AACS: variants seen among roughly 807,000 people sequenced by gnomAD.
AACS encodes the protein acetoacetate-CoA ligase.
Under a neutral mutation model 83.1 loss-of-function variants are expected in AACS, and 69 were observed. The observed-to-expected ratio is 0.83, with a 90% CI of 0.68 to 1.01. The LOEUF (loss-of-function observed/expected upper bound fraction) is 1.01. AACS is among the 50% of genes least tolerant of loss of function. AACS has a pLI of 0.00. For synonymous variants in AACS, 333 were observed against 343.4 expected (o/e 0.97, Z 0.33); for missense variants, 866 against 882.2 (o/e 0.98, Z 0.23).
chr12:125,121,287 G>A (rs1283426815), intron 10 of AACS: 1 of 152,500 alleles, frequency 6.6e-6, no homozygotes, highest in Middle Eastern at 3.1e-3. Context: ...GAGGGAGCGG[G>A]TGCTGGGCGG....
chr12:125,091,403 TTC>T, intron 4 of AACS, 21 bp from the exon 5 acceptor site: 2 of 1,613,246 alleles, frequency 1.2e-6, no homozygotes, highest in Non-Finnish European at 1.7e-6. Flanking sequence ...AACCCAAGGC[TTC>T]TTCCTATGTT....
Position 125,113,306 on chromosome 12 carries a change from C to T in AACS, c.916-1171C>T, listed in dbSNP as rs78636843. On this transcript the variant is annotated intron_variant, in intron 8 of 17. Transcript: ENST00000316519. The surrounding 1 kb of genome is among the most constrained non-coding windows in gnomAD (Gnocchi z 4.8). ...CCTTGCTTCAGCCTTCTAGGCCCTC[C>T]ACAACCAGGAGCACCTTTGTGATGA... Among the ~76,000 whole-genome samples, 4,741 of 152,352 alleles carry T rather than the reference C, an allele frequency of 0.031. 121 individuals are homozygous for T. The highest frequency in any genetic ancestry group is 0.049 in the Admixed American group (749 of 15,308).
intron 3 of AACS, among the ~76,000 whole-genome samples, chr12:125,083,449 C>T (rs1215237648): frequency 6.6e-6 from 1 of 152,156 alleles, no homozygotes; most frequent in Non-Finnish European, 1.5e-5. Flanking sequence ...TGGAGGCCGG[C>T]TACACACTGT....
chr12:125,111,716 G>A (rs879489138), intron 8 of AACS, among the ~76,000 whole-genome samples: 1 of 152,186 alleles, frequency 6.6e-6, no homozygotes, highest in Admixed American at 6.5e-5. Flanking sequence ...TCTGTGAAAG[G>A]TGTCAGAAAG....
intron 2 of AACS, among the ~76,000 whole-genome samples, chr12:125,076,183 C>A (rs545629884): frequency 2.6e-5 from 4 of 152,166 alleles, no homozygotes; most frequent in Non-Finnish European, 4.4e-5. Context: ...CAGAGCCTGA[C>A]GTGTTGGGTG....
chr12:125,065,859 T>G (rs1594556900), intron 1 of AACS, 142 bp downstream of exon 1: 1 of 1,257,094 alleles, frequency 8.0e-7, no homozygotes, highest in Non-Finnish European at 1.0e-6. Flanking sequence ...GACTGCGGGG[T>G]TCCCCCCAGT....
chr12:125,121,334 GA>G (rs1957149970), intron 10 of AACS: 1 of 152,364 alleles, frequency 6.6e-6, no homozygotes, highest in Admixed American at 6.5e-5. Context: ...CCACCTCCTG[GA>G]AACTGAATGT....
chr12:125,071,852 A>T (rs1433884793), intron 1 of AACS, among the ~76,000 whole-genome samples: 2 of 151,170 alleles, frequency 1.3e-5, no homozygotes, highest in African/African-American at 4.9e-5. Flanking sequence ...CACTTTTGTG[A>T]TACTTTTTTT....
In AACS at chr12:125,124,249, T is replaced by G. The variant is rs78967186; in HGVS notation, c.1122-456T>G. On this transcript the variant is annotated intron_variant, in intron 10 of 17. Coordinates refer to ENST00000316519, the MANE Select transcript of AACS (RefSeq NM_023928.5). ...GTTGGAGACTGCAGTGAGCTGTGATTGCACGACTGCATTCCAGCTTGGGGC... is the reference window on the plus strand; with the variant it reads ...GTTGGAGACTGCAGTGAGCTGTGATGGCACGACTGCATTCCAGCTTGGGGC... The G allele has an allele frequency of 1.7e-3, 278 of 161,442 alleles. 3 individuals are homozygous for G. The East Asian group carries it at 0.045, about 26-fold the overall frequency. 10.0% of individuals were successfully genotyped at this position (161,442 alleles called of 1,614,324 possible). A position where few individuals can be genotyped will look rare whatever the true frequency, so the allele number is the denominator to read the frequency against.
At chr12:125,095,308 A>G (rs79788692) in intron 5 of AACS, among the ~76,000 whole-genome samples, 284 of 152,252 alleles carry the variant, frequency 1.9e-3, no homozygotes, top group African/African-American at 6.7e-3. Context: ...GAGTCTTTTC[A>G]TGGGGCTAGG....
chr12:125,107,818 CTG>C (rs1956867038), intron 8 of AACS, among the ~76,000 whole-genome samples: 1 of 152,094 alleles, frequency 6.6e-6, no homozygotes, highest in Non-Finnish European at 1.5e-5. Flanking sequence ...CAAAAATTAA[CTG>C]GACGTGGTGG....
chr12:125,110,942 A>G (rs1956941757), intron 8 of AACS, among the ~76,000 whole-genome samples: 1 of 152,138 alleles, frequency 6.6e-6, no homozygotes, highest in South Asian at 2.1e-4. Flanking sequence ...ACCTAGATCT[A>G]GATTCACTGA....
rs770506849 is a variant in AACS, at chr12:125,129,380, C to T, written c.1469C>T (p.Pro490Leu). Reference sequence around the variant, plus strand: ...AGCGGCGAGCTGGTGTGTACTAAGCCGATCCCTTGCCAGCCCACACACTTC... The same window carrying T: ...AGCGGCGAGCTGGTGTGTACTAAGCTGATCCCTTGCCAGCCCACACACTTC... ...GESGELVCTK[P>L]IPCQPTHFWN... Residue 490 changes from proline to leucine, a missense_variant, in exon 14 of 18, where the codon CCG (proline) becomes CTG (leucine). Physicochemically the swap from Pro to Leu is moderately conservative, Grantham distance 98. Transcript: ENST00000316519. This position sits in a 1 kb window ranked among gnomAD's most constrained non-coding sequence, Gnocchi z 4.3. 26 of 1,613,872 alleles carry T rather than the reference C, an allele frequency of 1.6e-5. No individual in the cohort carries two copies. Among genetic ancestry groups the T allele is most frequent in the South Asian group, 1.2e-4 (11 of 91,066 alleles).
rs1217694949 is a variant in AACS, at chr12:125,107,417, G to A, written c.915+149G>A. 7 of 1,135,950 alleles carry A rather than the reference G, an allele frequency of 6.2e-6. No individual in the cohort carries two copies. In the Admixed American group the frequency reaches 7.1e-5, roughly 12 times the overall value. The allele number at this position is 1,135,950 out of a possible 1,614,324, so 70.4% of individuals were successfully genotyped here. On this transcript the variant is annotated intron_variant, in intron 8 of 17. Coordinates refer to ENST00000316519, the MANE Select transcript of AACS (RefSeq NM_023928.5). ...GCAGCTTCTCTCCAAGTGGGGTGCTGCACGGAGATCCGGCACTGGGCCCAG... is the reference window on the plus strand; with the variant it reads ...GCAGCTTCTCTCCAAGTGGGGTGCTACACGGAGATCCGGCACTGGGCCCAG...
At chr12:125,089,475 TAG>T (rs1956414004) in intron 4 of AACS, among the ~76,000 whole-genome samples, 1 of 152,162 alleles carries the variant, frequency 6.6e-6, no homozygotes, top group African/African-American at 2.4e-5. Flanking sequence ...CTGGAATGTG[TAG>T]AGTGATCTGG....
At position 125,118,591 on chromosome 12, in the gene AACS, G is replaced by C. The variant is rs367646177; in HGVS notation, c.997-50G>C. 83 of 1,607,298 alleles carry C rather than the reference G, an allele frequency of 5.2e-5. No homozygotes were observed. The South Asian group carries it at 7.3e-4, about 14-fold the overall frequency. Reference sequence around the variant, plus strand: ...ACAGGAAGCTGAGGGGGCAGCGCTGGGGGGAGCTGCCTAGCGCCCGCTGAA... The same window carrying C: ...ACAGGAAGCTGAGGGGGCAGCGCTGCGGGGAGCTGCCTAGCGCCCGCTGAA... On this transcript the variant is annotated intron_variant, in intron 9 of 17. Transcript: ENST00000316519.
intron 2 of AACS, among the ~76,000 whole-genome samples, chr12:125,074,941 G>A (rs1381825129): frequency 6.6e-6 from 1 of 150,772 alleles, no homozygotes. Flanking sequence ...TGGGATTACA[G>A]GCATTAGCCA....
intron 7 of AACS, among the ~76,000 whole-genome samples, chr12:125,103,534 CAT>C (rs1427431374): frequency 3.0e-4 from 40 of 135,542 alleles, no homozygotes; most frequent in African/African-American, 9.2e-4. Context: ...TGCATGTGTA[CAT>C]GTGTATGTAT....
chr12:125,082,713 C>T (rs1282261839), intron 3 of AACS, among the ~76,000 whole-genome samples: 1 of 151,908 alleles, frequency 6.6e-6, no homozygotes, highest in South Asian at 2.1e-4. Context: ...ACCAGCTACT[C>T]GGGAGGCTGA....
Sources: allele counts gnomAD v4.1 joint callset (sites outside exome capture counted in the v4.1 genomes callset), GRCh38; gene constraint gnomAD v4.1.1; non-coding constraint Gnocchi (gnomAD v3.1); transcripts MANE v1.5; gene names NCBI Gene and HGNC (gene_info 2026-07-23, HGNC 2026-07-21).